ABI1: variants seen among roughly 807,000 people sequenced by gnomAD.
The protein encoded by ABI1 is Abelson interactor 1.
ABI1 carries 14 observed loss-of-function variants against 54.6 expected under a neutral mutation model. That is an observed-to-expected ratio of 0.26 (90% CI 0.17 to 0.40). The LOEUF is 0.40. Among genes scored for constraint, ABI1 ranks in the 10% least tolerant of loss-of-function variants. The pLI is 1.00. For missense variants in ABI1, 443 were observed against 598.3 expected, an observed-to-expected ratio of 0.74 and a Z score of 2.71; for synonymous variants, 194 against 209.3, an observed-to-expected ratio of 0.93 and a Z score of 0.63.
chr10:26,759,316 A>G (rs1838788861), intron 7 of ABI1, 78 bp from the exon 8 acceptor site: 1 of 1,180,182 alleles, frequency 8.5e-7, no homozygotes, highest in East Asian at 2.5e-5. Context: ...ACAAAGCAGG[A>G]GGGGGCCTCA....
In ABI1 at chr10:26,860,635, G is replaced by A. The variant is rs561405859; in HGVS notation, c.117+112C>T. On this transcript the variant is annotated intron_variant, in intron 1 of 10. Coordinates refer to ENST00000376140, the MANE Select transcript of ABI1 (RefSeq NM_001012750.3). The surrounding 1 kb of genome is among the most constrained non-coding windows in gnomAD (Gnocchi z 4.1). ...GGGGTTGGGGCTGCGGTAGGGGCTC[G>A]GGTTGGTGGCAGCCGCTGAGGTCAG... 595 of 823,928 alleles carry A rather than the reference G, an allele frequency of 7.2e-4. 1 individual carries two copies. The highest frequency in any genetic ancestry group is 6.1e-3 in the African/African-American group (364 of 59,794). The allele number at this position is 823,928 out of a possible 1,614,324, so 51.0% of individuals were successfully genotyped here. A position where few individuals can be genotyped will look rare whatever the true frequency, so the allele number is the denominator to read the frequency against.
At chr10:26,759,419 A>G (rs1011445077) in intron 7 of ABI1, among the ~76,000 whole-genome samples, 181 bp from the exon 8 acceptor site, 3 of 152,116 alleles carry the variant, frequency 2.0e-5, no homozygotes, top group Non-Finnish European at 4.4e-5. Context: ...AAAGTCAAAA[A>G]CAGAGAGAAA....
chr10:26,773,215 C>CTTTTTTTTTTTTTTTGTTTTT (rs58739177), intron 3 of ABI1, among the ~76,000 whole-genome samples: 1 of 92,528 alleles, frequency 1.1e-5, no homozygotes, highest in African/African-American at 4.5e-5. Flanking sequence ...AATGCTAATT[C>CTTTTTTTTTTTTTTTGTTTTT]TTTTTTTTTT....
In ABI1 at chr10:26,860,856, T is replaced by G. The variant is rs201589381; in HGVS notation, c.8A>C (p.Glu3Ala). The part of the protein sequence containing the change: MA[E>A]LQMLLEEEIP... ...CTCCTCCTCTAGTAACATCTGCAGC[T>G]CTGCCATTTTCCACCCCTCTGCATC... is the stretch of plus-strand genomic sequence containing the variant. The change falls in exon 1 of 11, where the codon GAG becomes GCG. Residue 3 changes from glutamate (E) to alanine (A), a missense_variant. Physicochemically the swap from Glu to Ala is moderately radical, Grantham distance 107 (BLOSUM62 -1). Around this residue, in one of 2 missense-constraint regions of ABI1, gnomAD observed 394 missense variants for 484.8 expected, o/e 0.81. Coordinates refer to ENST00000376140, the MANE Select transcript of ABI1 (RefSeq NM_001012750.3). The surrounding 1 kb of genome is among the most constrained non-coding windows in gnomAD (Gnocchi z 4.1). The G allele has an allele frequency of 6.2e-7, 1 of 1,613,998 alleles. No homozygotes were observed. The highest frequency in any genetic ancestry group is 2.2e-5 in the East Asian group (1 of 44,876).
intron 3 of ABI1, among the ~76,000 whole-genome samples, chr10:26,773,304 C>T (rs112353455): frequency 2.4e-4 from 35 of 147,158 alleles, no homozygotes; most frequent in African/African-American, 8.4e-4. Context: ...CGGGTTCAAG[C>T]GAGTCTCCTG....
intron 1 of ABI1, among the ~76,000 whole-genome samples, chr10:26,832,515 C>A (rs1480824444): frequency 6.6e-6 from 1 of 151,820 alleles, no homozygotes; most frequent in Non-Finnish European, 1.5e-5. Context: ...ACCCAGGAGG[C>A]GGAGCTTGCA....
At chr10:26,769,415 T>C (rs1840371778) in intron 5 of ABI1, among the ~76,000 whole-genome samples, 1 of 152,190 alleles carries the variant, frequency 6.6e-6, no homozygotes, top group East Asian at 1.9e-4. Context: ...AATGGAGATA[T>C]ACATTCTAAT....
intron 2 of ABI1, among the ~76,000 whole-genome samples, chr10:26,821,799 CA>C (rs375448180): frequency 0.029 from 2,360 of 80,030 alleles, 44 homozygotes; most frequent in African/African-American, 0.088. Flanking sequence ...ACTCTTGTCT[CA>C]AAAAAAAAAA....
At chr10:26,754,492 C>A (rs1389963237) in intron 9 of ABI1, among the ~76,000 whole-genome samples, 1 of 152,186 alleles carries the variant, frequency 6.6e-6, no homozygotes, top group African/African-American at 2.4e-5. Context: ...TTGGATCACA[C>A]ATTTCCTGAA....
At chr10:26,854,455 A>G (rs1013261052) in intron 1 of ABI1, among the ~76,000 whole-genome samples, 3 of 151,790 alleles carry the variant, frequency 2.0e-5, no homozygotes, top group Admixed American at 6.6e-5. Flanking sequence ...GAAAGAAGAA[A>G]AAAAAAAAGG....
chr10:26,838,746 A>C (rs1345826711), intron 1 of ABI1, among the ~76,000 whole-genome samples: 1 of 152,226 alleles, frequency 6.6e-6, no homozygotes, highest in African/African-American at 2.4e-5. Flanking sequence ...ATAAACAAGA[A>C]AGACATCTTT....
intron 2 of ABI1, among the ~76,000 whole-genome samples, chr10:26,813,846 G>C (rs1237335088): frequency 6.6e-6 from 1 of 152,008 alleles, no homozygotes; most frequent in African/African-American, 2.4e-5. Flanking sequence ...TTCTTTTATT[G>C]TTAAATGAGT....
At chr10:26,841,838 A>T (rs1376289752) in intron 1 of ABI1, among the ~76,000 whole-genome samples, 2 of 152,176 alleles carry the variant, frequency 1.3e-5, no homozygotes, top group Non-Finnish European at 2.9e-5. Context: ...TTCATCTATC[A>T]GTGGACATTC....
At chr10:26,848,766 G>A (rs929903764) in intron 1 of ABI1, among the ~76,000 whole-genome samples, 39 of 151,810 alleles carry the variant, frequency 2.6e-4, no homozygotes, top group African/African-American at 9.2e-4. Flanking sequence ...GTGCCACCAC[G>A]CCCAGCTAAT....
intron 2 of ABI1, among the ~76,000 whole-genome samples, chr10:26,801,338 C>A (rs2046544034): frequency 6.6e-6 from 1 of 151,944 alleles, no homozygotes; most frequent in South Asian, 2.1e-4. Flanking sequence ...CTTGAGCTCA[C>A]AAGTTTGAGA....
In ABI1 at chr10:26,748,318, T is replaced by TA. The variant is rs1837163708; in HGVS notation, c.*251dup. The TA allele has an allele frequency of 3.0e-6, 1 of 338,370 alleles. No individual in the cohort carries two copies. The highest frequency in any genetic ancestry group is 5.4e-6 in the Non-Finnish European group (1 of 184,146). 21.0% of individuals were successfully genotyped at this position (338,370 alleles called of 1,614,324 possible). On this transcript the variant is annotated 3_prime_UTR_variant, in exon 11 of 11. Coordinates refer to ENST00000376140, the MANE Select transcript of ABI1 (RefSeq NM_001012750.3). ...TCCCCCAGAATATTTAGGCTGGTCA[T>TA]AAAGTTAAAAATGTGTAAGTAAGTA...
At chr10:26,820,009 TGGTA>T (rs1204295040) in intron 2 of ABI1, among the ~76,000 whole-genome samples, 1 of 152,102 alleles carries the variant, frequency 6.6e-6, no homozygotes, top group African/African-American at 2.4e-5. Flanking sequence ...GAGAGTAGAA[TGGTA>T]GTTGTCAGAG....
At chr10:26,800,004 TA>T (rs56949695) in intron 2 of ABI1, among the ~76,000 whole-genome samples, 30,699 of 124,516 alleles carry the variant, frequency 0.25, 3,392 homozygotes, top group South Asian at 0.43. Flanking sequence ...CACAAAAACG[TA>T]AAAAAAAAAA....
intron 3 of ABI1, among the ~76,000 whole-genome samples, chr10:26,771,838 T>A (rs560586055): frequency 1.3e-5 from 2 of 152,168 alleles, no homozygotes; most frequent in Non-Finnish European, 2.9e-5. Flanking sequence ...AAAGTTGTTT[T>A]GATCCTAAAG....
Sources: allele counts gnomAD v4.1 joint callset (sites outside exome capture counted in the v4.1 genomes callset), GRCh38; gene constraint gnomAD v4.1.1; regional missense constraint gnomAD v4.1.1; non-coding constraint Gnocchi (gnomAD v3.1); transcripts MANE v1.5; gene names NCBI Gene and HGNC (gene_info 2026-07-23, HGNC 2026-07-21).